ACAN: variants seen among roughly 807,000 people sequenced by gnomAD.
ACAN encodes aggrecan core protein.
ACAN carries 47 observed loss-of-function variants against 169.1 expected under a neutral mutation model. The observed-to-expected ratio is 0.28, with a 90% CI of 0.22 to 0.35. ACAN has a LOEUF of 0.35. Ranked by LOEUF, ACAN falls within the 10% of genes least tolerant of loss-of-function variation. The probability of loss-of-function intolerance (pLI) is 1.00; values close to 1 mark genes in which losing one functional copy is unlikely to be tolerated. For missense variants in ACAN, 2,716 were observed against 2,759.9 expected (o/e 0.98, Z 0.36); for synonymous variants, 1,115 against 1,112.2 (o/e 1.00, Z -0.05).
intron 13 of ACAN, 59 bp downstream of exon 13, chr15:88,860,498 C>A (rs772009863): frequency 3.1e-5 from 46 of 1,484,050 alleles, no homozygotes; most frequent in Non-Finnish European, 3.9e-5. Flanking sequence ...ACTTCTTCAT[C>A]CCCCAAAGGG....
intron 1 of ACAN, among the ~76,000 whole-genome samples, chr15:88,819,370 TC>T (rs1896018783): frequency 6.6e-6 from 1 of 152,142 alleles, no homozygotes; most frequent in Non-Finnish European, 1.5e-5. Context: ...GTACCTTGGT[TC>T]TTTGAGTCAA....
intron 1 of ACAN, among the ~76,000 whole-genome samples, chr15:88,824,307 G>A (rs763485261): frequency 1.0e-4 from 15 of 147,442 alleles, no homozygotes; most frequent in East Asian, 6.0e-4. Flanking sequence ...GTGACAGAGC[G>A]AGACTCCGTC....
Position 88,838,975 on chromosome 15 carries a change from C to T in ACAN, c.383C>T (p.Ser128Phe), listed in dbSNP as rs1403191177. 1 of 1,613,022 alleles carries T rather than the reference C, an allele frequency of 6.2e-7. No individual in the cohort carries two copies. Among genetic ancestry groups the T allele is most frequent in the African/African-American group, 1.3e-5 (1 of 74,944 alleles). Reference protein sequence around the residue: ...LEVQSLRSNDSGVYRCEVMHG... With the variant: ...LEVQSLRSNDFGVYRCEVMHG... ...GTCCAGAGCCTGCGCTCCAATGACT[C>T]TGGGGTCTACCGCTGCGAGGTGATG... Residue 128 changes from serine to phenylalanine, a missense_variant, in exon 3 of 19, where the codon TCT becomes TTT. Transcript: ENST00000560601. The surrounding 1 kb of genome is among the most constrained non-coding windows in gnomAD (Gnocchi z 5.1).
intron 1 of ACAN, among the ~76,000 whole-genome samples, chr15:88,828,513 T>A (rs1400870785): frequency 6.6e-6 from 1 of 152,086 alleles, no homozygotes; most frequent in Non-Finnish European, 1.5e-5. Context: ...TGCCTTTTCG[T>A]CCCTAGCACA....
In ACAN at chr15:88,851,942, G is replaced by A. The variant is rs774473524; in HGVS notation, c.2175G>A (p.Glu725=). The change falls in exon 11 of 19, where the codon GAG becomes GAA. Residue 725 remains glutamate (E), a synonymous_variant. Transcript: ENST00000560601. The surrounding 1 kb of genome is among the most constrained non-coding windows in gnomAD (Gnocchi z 4.3). ...EEETTAVPSG[E]TTAILEFTTE... is the part of the protein sequence containing the mutation. ...AGACAACTGCTGTACCCTCAGGGGA[G>A]ACTACTGCCATCCTAGAGTTCACCA... The A allele has an allele frequency of 1.1e-5, 18 of 1,612,704 alleles. No individual in the cohort carries two copies. Among genetic ancestry groups the A allele is most frequent in the Non-Finnish European group, 1.2e-5 (14 of 1,179,450 alleles).
intron 1 of ACAN, among the ~76,000 whole-genome samples, chr15:88,830,616 C>G (rs1444027539): frequency 2.0e-5 from 3 of 151,382 alleles, no homozygotes; most frequent in African/African-American, 7.3e-5. Context: ...CTCTGTGTAT[C>G]TAAACCTATC....
chr15:88,807,084 A>T lies in ACAN; in HGVS notation c.-8+3275A>T, dbSNP rs751054840. Among the ~76,000 whole-genome samples the T allele has an allele frequency of 9.9e-5, 15 of 152,042 alleles. No individual in the cohort carries two copies. The highest frequency in any genetic ancestry group is 2.2e-4 in the Non-Finnish European group (15 of 67,992). ...GTCCCAATGATGTTTCTGTCTCAGA[A>T]ATTTCAGCATTGTGGCCCTAGGTGG... On this transcript the variant is annotated intron_variant, in intron 1 of 18. Coordinates refer to ENST00000560601, the MANE Select transcript of ACAN (RefSeq NM_001369268.1). The surrounding 1 kb of genome is among the most constrained non-coding windows in gnomAD (Gnocchi z 4.0).
Position 88,870,720 on chromosome 15 carries a change from C to T in ACAN, c.7061-662C>T, listed in dbSNP as rs1418841383. Among the ~76,000 whole-genome samples the T allele has an allele frequency of 2.0e-5, 3 of 152,150 alleles. No individual in the cohort carries two copies. Among genetic ancestry groups the T allele is most frequent in the Admixed American group, 1.3e-4 (2 of 15,276 alleles). ...GCTCCTCCCCTCTTCCCATTCACCC[C>T]CAAAATAAAAAGCCAGGGCCCCTGG... is the stretch of plus-strand genomic sequence containing the variant. On this transcript the variant is annotated intron_variant, in intron 14 of 18. Transcript: ENST00000560601. The surrounding 1 kb of genome is among the most constrained non-coding windows in gnomAD (Gnocchi z 6.3).
intron 11 of ACAN, among the ~76,000 whole-genome samples, chr15:88,854,428 C>A (rs1001559970): frequency 1.3e-5 from 2 of 152,160 alleles, no homozygotes; most frequent in African/African-American, 4.8e-5. Context: ...ACCATGGGAC[C>A]AAATCAATGA....
Position 88,843,590 on chromosome 15 carries a change from T to A in ACAN, c.993T>A (p.His331Gln), listed in dbSNP as rs570748192. ...TGGGCGTGAGGACCGTCTACGTGCA[T>A]GCCAACCAGACGGGCTACCCCGACC... ...NLLGVRTVYV[H>Q]ANQTGYPDPS... The change falls in exon 6 of 19, where the codon CAT becomes CAA. Residue 331 changes from histidine (H) to glutamine (Q), a missense_variant. By Grantham distance (24) the His-to-Gln change is conservative. This residue lies in a region of ACAN where 1,283 missense variants were observed against 1,281.5 expected (regional missense o/e 1.00). Coordinates refer to ENST00000560601, the MANE Select transcript of ACAN (RefSeq NM_001369268.1). The surrounding 1 kb of genome is among the most constrained non-coding windows in gnomAD (Gnocchi z 4.0). 5 of 1,605,618 alleles carry A rather than the reference T, an allele frequency of 3.1e-6. No homozygotes were observed. The highest frequency in any genetic ancestry group is 1.7e-4 in the Middle Eastern group (1 of 6,036).
At position 88,843,465 on chromosome 15, in the gene ACAN, T is replaced by G. The variant is rs772749915; in HGVS notation, c.868T>G (p.Trp290Gly). The stretch of plus-strand genomic sequence containing the variant: ...CACCACGGGCCAGCTCTACCTGGCC[T>G]GGCAGGCTGGCATGGACATGTGCAG... ...LATTGQLYLA[W>G]QAGMDMCSAG... The change falls in exon 6 of 19, where the codon TGG becomes GGG. Residue 290 changes from tryptophan (W) to glycine (G), a missense_variant. Physicochemically the swap from Trp to Gly is radical, Grantham distance 184. This residue lies in a region of ACAN where 1,283 missense variants were observed against 1,281.5 expected (regional missense o/e 1.00). Coordinates refer to ENST00000560601, the MANE Select transcript of ACAN (RefSeq NM_001369268.1). This position sits in a 1 kb window ranked among gnomAD's most constrained non-coding sequence, Gnocchi z 4.0. The G allele has an allele frequency of 1.2e-6, 2 of 1,611,632 alleles. No individual in the cohort carries two copies. Among genetic ancestry groups the G allele is most frequent in the African/African-American group, 2.7e-5 (2 of 74,876 alleles).
At position 88,868,054 on chromosome 15, in the gene ACAN, C is replaced by G. The variant is rs1897308298; in HGVS notation, c.6947-162C>G. On this transcript the variant is annotated intron_variant, in intron 13 of 18. Transcript: ENST00000560601. This position sits in a 1 kb window ranked among gnomAD's most constrained non-coding sequence, Gnocchi z 5.2. ...TCTTTGCTTCAGCACTCCAAGATGGCAGCAGCAGCAGCAGCAGCAGCAACA... is the reference window on the plus strand; with the variant it reads ...TCTTTGCTTCAGCACTCCAAGATGGGAGCAGCAGCAGCAGCAGCAGCAACA... 6.6e-6 allele frequency among the ~76,000 whole-genome samples: 1 copy of G among 151,992 alleles called. No homozygotes were observed. The highest frequency in any genetic ancestry group is 6.6e-5 in the Admixed American group (1 of 15,248).
rs1896877785 is a variant in ACAN at position 88,849,469 on chromosome 15, G to A, written c.1764G>A (p.Gln588=). ...TGTTCTTCGCCACACGCCTTGAGCA[G>A]TTCACCTTCCAGGAAGCACTGGAGT... The part of the protein sequence containing the change: ...GEVFFATRLE[Q]FTFQEALEFC... Residue 588 remains glutamine (Q), a synonymous_variant, in exon 10 of 19, where the codon CAG becomes CAA. Transcript: ENST00000560601. This position sits in a 1 kb window ranked among gnomAD's most constrained non-coding sequence, Gnocchi z 5.1. 6.2e-7 allele frequency: 1 copy of A among 1,604,650 alleles called. No individual in the cohort carries two copies. Among genetic ancestry groups the A allele is most frequent in the Non-Finnish European group, 8.5e-7 (1 of 1,174,084 alleles).
intron 1 of ACAN, among the ~76,000 whole-genome samples, chr15:88,816,394 G>A (rs1567164957): frequency 1.3e-5 from 2 of 152,186 alleles, no homozygotes; most frequent in African/African-American, 4.8e-5. Flanking sequence ...AACAAATGAT[G>A]TATTCTCCCA....
At chr15:88,826,144 G>A (rs369639706) in intron 1 of ACAN, among the ~76,000 whole-genome samples, 14 of 152,284 alleles carry the variant, frequency 9.2e-5, no homozygotes, top group South Asian at 2.1e-4. Context: ...CTCAGCTCAC[G>A]TCGGGGGGCT....
chr15:88,826,409 T>C (rs1896223091), intron 1 of ACAN, among the ~76,000 whole-genome samples: 1 of 143,862 alleles, frequency 7.0e-6, no homozygotes. Flanking sequence ...CCCTGGGAAA[T>C]TTGCCTGAAG....
Position 88,872,778 on chromosome 15 carries a change from A to G in ACAN, c.7303-103A>G. The G allele has an allele frequency of 1.4e-6, 2 of 1,391,174 alleles. No individual in the cohort carries two copies. The highest frequency in any genetic ancestry group is 9.8e-7 in the Non-Finnish European group (1 of 1,022,396). The allele number at this position is 1,391,174 out of a possible 1,614,324, so 86.2% of individuals were successfully genotyped here. A position where few individuals can be genotyped will look rare whatever the true frequency, so the allele number is the denominator to read the frequency against. ...AGATGAGCCTGAAGTTGGTGCTAAAAGAGAAAGGAGATGATGAAGAGGCTC... is the reference window on the plus strand; with the variant it reads ...AGATGAGCCTGAAGTTGGTGCTAAAGGAGAAAGGAGATGATGAAGAGGCTC... On this transcript the variant is annotated intron_variant, in intron 16 of 18. Transcript: ENST00000560601. This position sits in a 1 kb window ranked among gnomAD's most constrained non-coding sequence, Gnocchi z 5.4.
Position 88,852,024 on chromosome 15 carries a change from C to A in ACAN, c.2257C>A (p.Pro753Thr), listed in dbSNP as rs376234405. 1.0e-5 allele frequency: 16 copies of A among 1,601,374 alleles called. No individual in the cohort carries two copies. In the African/African-American group the frequency reaches 1.9e-4, roughly 19 times the overall value. The change falls in exon 11 of 19, where the codon CCG becomes ACG. Residue 753 changes from proline to threonine, a missense_variant. Around this residue, in one of 3 missense-constraint regions of ACAN, gnomAD observed 1,283 missense variants for 1,281.5 expected, o/e 1.00. Coordinates refer to ENST00000560601, the MANE Select transcript of ACAN (RefSeq NM_001369268.1). The stretch of plus-strand genomic sequence containing the variant: ...AGCCTATACCCCAGTGGGCACATCC[C>A]CGCTGCCAGGTTGGTATGGCTTGGG... ...EPAYTPVGTS[P>T]LPGILPTWPP... is the part of the protein sequence containing the mutation.
At chr15:88,821,989 T>G (rs1374263406) in intron 1 of ACAN, among the ~76,000 whole-genome samples, 1 of 152,224 alleles carries the variant, frequency 6.6e-6, no homozygotes, top group Non-Finnish European at 1.5e-5. Context: ...AGAGGAGTCA[T>G]GCAGACAGCA....
Sources: gnomAD v4.1 joint callset for allele counts (sites outside exome capture counted in the v4.1 genomes callset) on GRCh38, gnomAD v4.1.1 for gene constraint, gnomAD v4.1.1 regional missense constraint, Gnocchi (gnomAD v3.1) non-coding constraint, MANE v1.5 for transcripts, NCBI Gene and HGNC (gene_info 2026-07-23, HGNC 2026-07-21) for gene names.